Variants in DNAH11 observed in about 807,000 individuals in gnomAD.
DNAH11 encodes dynein axonemal heavy chain 11.
In DNAH11, 442 loss-of-function variants were observed where a neutral mutation model predicts 526.0. That is an observed-to-expected ratio of 0.84 (90% CI 0.78 to 0.91). The LOEUF (loss-of-function observed/expected upper bound fraction) is 0.91. Among genes scored for constraint, DNAH11 ranks in the 40% least tolerant of loss-of-function variants. The pLI, the probability that DNAH11 is intolerant of heterozygous loss-of-function variation, is 0.00. For synonymous variants in DNAH11, 2,461 were observed against 1,935.9 expected, an observed-to-expected ratio of 1.27 and a Z score of -7.12; for missense variants, 6,989 against 5,448.7, an observed-to-expected ratio of 1.28 and a Z score of -8.90.
intron 56 of DNAH11, among the ~76,000 whole-genome samples, chr7:21,777,716 G>T (rs1028263709): frequency 6.6e-6 from 1 of 152,172 alleles, no homozygotes; most frequent in African/African-American, 2.4e-5. Flanking sequence ...AAAAAGAACT[G>T]AGAAGCATGT....
At chr7:21,700,042 A>T (rs568901433) in intron 36 of DNAH11, among the ~76,000 whole-genome samples, 33 of 152,342 alleles carry the variant, frequency 2.2e-4, no homozygotes, top group African/African-American at 7.9e-4. Flanking sequence ...GTGTTATGTT[A>T]CAAAACTGTC....
At chr7:21,744,763 T>C in intron 50 of DNAH11, 107 bp from the exon 51 acceptor site, 1 of 1,414,346 alleles carries the variant, frequency 7.1e-7, no homozygotes, top group Non-Finnish European at 9.6e-7. Flanking sequence ...TCCACCCACC[T>C]ACCCATGTGT....
intron 38 of DNAH11, 109 bp from the exon 39 acceptor site, chr7:21,705,351 G>T: frequency 9.9e-7 from 1 of 1,006,570 alleles, no homozygotes; most frequent in Non-Finnish European, 1.5e-6. Flanking sequence ...ACTGTTGTCA[G>T]TGGGGGCTGG....
chr7:21,675,595 A>C (rs375838677), intron 30 of DNAH11, among the ~76,000 whole-genome samples: 18 of 152,298 alleles, frequency 1.2e-4, no homozygotes, highest in African/African-American at 4.3e-4. Context: ...CACATTTGTC[A>C]TCTTGTATGA....
rs1365337383 is a variant in DNAH11 at position 21,814,341 on chromosome 7, ATTTATTTATTTTTTT to A, written c.10333-2118_10333-2104del. Among the ~76,000 whole-genome samples the A allele has an allele frequency of 1.5e-4, 13 of 84,502 alleles. No individual in the cohort carries two copies. In the East Asian group the frequency reaches 0.015, roughly 97 times the overall value. 55.4% of individuals were successfully genotyped at this position (84,502 alleles called of 152,430 possible). Reference sequence around the variant, plus strand: ...AGCCTACACAAAATTTATTTTATTTATTTATTTATTTTTTTTTTATTTTTTTATTTTTATTTTTTA... The same window carrying A: ...AGCCTACACAAAATTTATTTTATTTATTTATTTTTTTATTTTTATTTTTTA... On this transcript the variant is annotated intron_variant, in intron 63 of 81. Transcript: ENST00000409508.
intron 65 of DNAH11, among the ~76,000 whole-genome samples, chr7:21,820,301 A>G (rs959189861): frequency 1.5e-4 from 23 of 152,260 alleles, no homozygotes; most frequent in Admixed American, 1.0e-3. Flanking sequence ...AGATAGACCT[A>G]TAAACAATCA....
intron 56 of DNAH11, among the ~76,000 whole-genome samples, chr7:21,776,478 G>C (rs1225802857): frequency 1.3e-5 from 2 of 152,138 alleles, no homozygotes; most frequent in Non-Finnish European, 2.9e-5. Flanking sequence ...ATCCTCTAAG[G>C]GTCTGCCTTA....
intron 61 of DNAH11, among the ~76,000 whole-genome samples, chr7:21,789,699 A>G (rs1001787602): frequency 7.9e-5 from 12 of 151,854 alleles, no homozygotes; most frequent in African/African-American, 2.7e-4. Context: ...AAGGTAGTTA[A>G]CCTCTATGAG....
chr7:21,616,384 G>A lies in DNAH11; in HGVS notation c.4095+92G>A, dbSNP rs971729889. ...AATCTAGTATCTGGTGTATTGGGCT[G>A]CATGTACTTATTTACTTCTAACAGA... On this transcript the variant is annotated intron_variant, in intron 22 of 81. Transcript: ENST00000409508. 2.9e-5 allele frequency: 28 copies of A among 975,084 alleles called. 1 individual carries two copies. The highest frequency in any genetic ancestry group is 1.6e-5 in the African/African-American group (1 of 61,054). 60.4% of individuals were successfully genotyped at this position (975,084 alleles called of 1,614,324 possible). A position where few individuals can be genotyped will look rare whatever the true frequency, so the allele number is the denominator to read the frequency against.
At chr7:21,861,431 A>T (rs1172674464) in intron 68 of DNAH11, among the ~76,000 whole-genome samples, 1 of 152,260 alleles carries the variant, frequency 6.6e-6, no homozygotes. Flanking sequence ...ATTTATGTTC[A>T]TGAGAAAAAA....
At chr7:21,605,443 C>A (rs1023529138) in intron 18 of DNAH11, among the ~76,000 whole-genome samples, 1 of 152,162 alleles carries the variant, frequency 6.6e-6, no homozygotes, top group Non-Finnish European at 1.5e-5. Context: ...TGCTTTTGTC[C>A]TATTTGCATT....
chr7:21,745,083 T>A lies in DNAH11; in HGVS notation c.8510+20T>A. 6.3e-7 allele frequency: 1 copy of A among 1,588,908 alleles called. No individual in the cohort carries two copies. Among genetic ancestry groups the A allele is most frequent in the Non-Finnish European group, 8.6e-7 (1 of 1,166,652 alleles). On this transcript the variant is annotated intron_variant, in intron 51 of 81. Transcript: ENST00000409508. ...ACATGTGTGAGTTAACTAGTCACGA[T>A]GCTTTTCCACAAAAGGAAGAATGGC... is the stretch of plus-strand genomic sequence containing the variant.
At chr7:21,892,854 C>T (rs374291654) in intron 77 of DNAH11, among the ~76,000 whole-genome samples, 187 bp downstream of exon 77, 3 of 152,166 alleles carry the variant, frequency 2.0e-5, no homozygotes, top group East Asian at 3.9e-4. Context: ...GTCAACATAC[C>T]CCTCACCTCC....
intron 36 of DNAH11, among the ~76,000 whole-genome samples, chr7:21,702,142 C>T (rs983755661): frequency 3.3e-5 from 5 of 152,112 alleles, no homozygotes; most frequent in African/African-American, 1.2e-4. Context: ...CCTCTAAGAG[C>T]TCAGACCCTG....
chr7:21,847,517 A>C (rs61168781), intron 66 of DNAH11, among the ~76,000 whole-genome samples: 24,420 of 151,978 alleles, frequency 0.16, 3,954 homozygotes, highest in African/African-American at 0.41. Context: ...CTGATTTCTT[A>C]CGTAATTTTG....
At chr7:21,761,683 A>C (rs934647234) in intron 54 of DNAH11, among the ~76,000 whole-genome samples, 54 of 152,312 alleles carry the variant, frequency 3.5e-4, no homozygotes, top group African/African-American at 1.3e-3. Flanking sequence ...TTTGACAACA[A>C]CTGGTCTCCA....
Position 21,549,914 on chromosome 7 carries a change from T to G in DNAH11, c.495+4765T>G, listed in dbSNP as rs137966401. Among the ~76,000 whole-genome samples, 1,328 of 152,292 alleles carry G rather than the reference T, an allele frequency of 8.7e-3. 20 individuals carry two copies. Among genetic ancestry groups the G allele is most frequent in the African/African-American group, 0.029 (1,213 of 41,564 alleles). On this transcript the variant is annotated intron_variant, in intron 2 of 81. Coordinates refer to ENST00000409508, the MANE Select transcript of DNAH11 (RefSeq NM_001277115.2). ...AAAACCTGGCAGGCATTAAATCTTA[T>G]AGTTTGGGGTGCTACCGTCTTGGTT... is the stretch of plus-strand genomic sequence containing the variant.
Position 21,704,442 on chromosome 7 carries a change from G to T in DNAH11, c.6282G>T (p.Met2094Ile). The stretch of plus-strand genomic sequence containing the variant: ...AATGTTTTTTTTTCTAGGTACTCAT[G>T]AGAGCATTAAGGGATTTCAATATGC... ...DKNRPEDQVL[M>I]RALRDFNMPK... is the part of the protein sequence containing the mutation. Residue 2094 changes from methionine (M) to isoleucine (I), a missense_variant, in exon 38 of 82, where the codon ATG becomes ATT. Met to Ile is a conservative substitution (Grantham distance 10). Coordinates refer to ENST00000409508, the MANE Select transcript of DNAH11 (RefSeq NM_001277115.2). The T allele has an allele frequency of 6.2e-7, 1 of 1,612,782 alleles. No individual in the cohort carries two copies. Among genetic ancestry groups the T allele is most frequent in the Non-Finnish European group, 8.5e-7 (1 of 1,179,326 alleles).
intron 58 of DNAH11, among the ~76,000 whole-genome samples, chr7:21,786,363 T>A (rs963846724): frequency 6.6e-5 from 10 of 151,816 alleles, no homozygotes; most frequent in African/African-American, 2.4e-4. Flanking sequence ...TCTGCAGGAC[T>A]GATATATAGA....
Sources: allele counts gnomAD v4.1 joint callset (sites outside exome capture counted in the v4.1 genomes callset), GRCh38; gene constraint gnomAD v4.1.1; transcripts MANE v1.5; gene names NCBI Gene and HGNC (gene_info 2026-07-23, HGNC 2026-07-21).